Variants in SEMA3A observed in about 807,000 individuals in gnomAD.
SEMA3A encodes the protein semaphorin-3A.
A neutral mutation model predicts 97.9 loss-of-function variants in SEMA3A; 29 were observed. The ratio of observed to expected loss-of-function variants is 0.30; its 90% confidence interval spans 0.22 to 0.40. The LOEUF (loss-of-function observed/expected upper bound fraction) is 0.40, where lower values mean the gene tolerates loss of function less well. Ranked by LOEUF, SEMA3A falls within the 10% of genes least tolerant of loss-of-function variation. The pLI, the probability that SEMA3A is intolerant of heterozygous loss-of-function variation, is 1.00. For synonymous variants in SEMA3A, 321 were observed against 323.7 expected, an observed-to-expected ratio of 0.99 and a Z score of 0.09; for missense variants, 763 against 951.3, an observed-to-expected ratio of 0.80 and a Z score of 2.60.
intron 1 of SEMA3A, among the ~76,000 whole-genome samples, chr7:84,446,292 C>G (rs960081979): frequency 6.6e-6 from 1 of 152,136 alleles, no homozygotes; most frequent in Non-Finnish European, 1.5e-5. Flanking sequence ...ACAAATCTTT[C>G]TCAAATTTTC....
intron 14 of SEMA3A, among the ~76,000 whole-genome samples, 183 bp from the exon 15 acceptor site, chr7:83,977,379 A>T (rs1456318739): frequency 6.6e-6 from 1 of 152,108 alleles, no homozygotes; most frequent in Non-Finnish European, 1.5e-5. Context: ...TATACCTGTA[A>T]GAGCAGTCTC....
intron 3 of SEMA3A, among the ~76,000 whole-genome samples, chr7:84,126,530 C>T (rs1490724183): frequency 1.3e-5 from 2 of 152,136 alleles, no homozygotes; most frequent in East Asian, 1.9e-4. Context: ...CATACTTACA[C>T]TGTTGATGAG....
In SEMA3A at chr7:84,426,830, A is replaced by G. The variant is rs1584317218; in HGVS notation, c.-245-54930T>C. Among the ~76,000 whole-genome samples, 6 of 152,278 alleles carry G rather than the reference A, an allele frequency of 3.9e-5. 1 individual carries two copies. Among genetic ancestry groups the G allele is most frequent in the Admixed American group, 3.9e-4 (6 of 15,270 alleles). Reference sequence around the variant, plus strand: ...TTCTATGTTTCATAATCAGACTTATAAATTTTTTCTTAATCTCCTTTGGAA... The same window carrying G: ...TTCTATGTTTCATAATCAGACTTATGAATTTTTTCTTAATCTCCTTTGGAA... On this transcript the variant is annotated intron_variant, in intron 1 of 3. Transcript: ENST00000424555.
intron 5 of SEMA3A, among the ~76,000 whole-genome samples, chr7:84,055,002 C>A (rs1049847735): frequency 6.6e-5 from 10 of 152,264 alleles, no homozygotes; most frequent in African/African-American, 2.4e-4. Flanking sequence ...GGGTGCCTCC[C>A]AGTTAGGCTG....
intron 16 of SEMA3A, 127 bp downstream of exon 16, chr7:83,963,078 G>A (rs1788536187): frequency 3.1e-6 from 3 of 961,660 alleles, no homozygotes; most frequent in African/African-American, 3.2e-5. Flanking sequence ...CAATGAATGA[G>A]CGATTGATTG....
chr7:84,038,013 C>T (rs142230880), intron 6 of SEMA3A, among the ~76,000 whole-genome samples: 20 of 151,892 alleles, frequency 1.3e-4, no homozygotes, highest in African/African-American at 4.8e-4. Context: ...GACCCTTTAC[C>T]TGAATAACAT....
chr7:84,196,419 T>A (rs920300764), upstream of SEMA3A, among the ~76,000 whole-genome samples: 13 of 151,916 alleles, frequency 8.6e-5, no homozygotes, highest in African/African-American at 3.1e-4. Context: ...GTGGCTTGTG[T>A]GAATGTAGGT....
intron 2 of SEMA3A, among the ~76,000 whole-genome samples, chr7:84,358,395 T>C (rs1802626167): frequency 6.6e-6 from 1 of 152,226 alleles, no homozygotes; most frequent in South Asian, 2.1e-4. Context: ...AAATAGGGAA[T>C]CCTTTCTCCA....
intron 2 of SEMA3A, among the ~76,000 whole-genome samples, chr7:84,337,463 T>C (rs923652474): frequency 6.6e-6 from 1 of 152,136 alleles, no homozygotes; most frequent in African/African-American, 2.4e-5. Context: ...TCTTCCAGTG[T>C]GCTATTTGGC....
At chr7:84,233,075 T>G (rs1207850185) in intron 3 of SEMA3A, among the ~76,000 whole-genome samples, 1 of 152,026 alleles carries the variant, frequency 6.6e-6, no homozygotes, top group Non-Finnish European at 1.5e-5. Flanking sequence ...GTATTTCAAC[T>G]ATTTGTAGAC....
intron 1 of SEMA3A, among the ~76,000 whole-genome samples, chr7:84,174,418 C>A (rs552504948): frequency 6.6e-5 from 10 of 152,278 alleles, no homozygotes; most frequent in African/African-American, 2.4e-4. Flanking sequence ...GAAGCATAGA[C>A]GTTTTTCCTT....
rs772964353 is a variant in SEMA3A at position 84,445,355 on chromosome 7, G to A, written c.-246+47105C>T. 8.1e-4 allele frequency among the ~76,000 whole-genome samples: 122 copies of A among 151,444 alleles called. 11 individuals carry two copies. Among genetic ancestry groups the A allele is most frequent in the Non-Finnish European group, 1.6e-4 (11 of 67,822 alleles). ...AAAATACAACAAAAATTAGCTGGGC[G>A]TGGTGGTGTGCACCTGTAGTCCCAG... On this transcript the variant is annotated intron_variant, in intron 1 of 3. Transcript: ENST00000424555.
chr7:84,305,625 G>A (rs1011825426), intron 3 of SEMA3A, among the ~76,000 whole-genome samples: 2 of 151,892 alleles, frequency 1.3e-5, no homozygotes, highest in Admixed American at 6.6e-5. Context: ...AAAGACAATG[G>A]TGGCAATGAC....
chr7:84,338,233 T>C (rs1252278223), intron 2 of SEMA3A, among the ~76,000 whole-genome samples: 5 of 151,826 alleles, frequency 3.3e-5, no homozygotes, highest in East Asian at 1.9e-4. Flanking sequence ...TCAGTACATA[T>C]GAAATGAATA....
At chr7:84,058,694 T>C (rs1270831653) in intron 5 of SEMA3A, among the ~76,000 whole-genome samples, 1 of 152,196 alleles carries the variant, frequency 6.6e-6, no homozygotes, top group Non-Finnish European at 1.5e-5. Flanking sequence ...CTAAATTATT[T>C]TACCATATTG....
intron 1 of SEMA3A, among the ~76,000 whole-genome samples, chr7:84,145,601 A>C (rs2116091935): frequency 6.6e-6 from 1 of 152,320 alleles, no homozygotes. Flanking sequence ...GCTATCAAAT[A>C]ACAATTAAAT....
intron 1 of SEMA3A, among the ~76,000 whole-genome samples, chr7:84,466,745 G>C (rs1806009756): frequency 6.6e-6 from 1 of 152,190 alleles, no homozygotes; most frequent in South Asian, 2.1e-4. Flanking sequence ...GAAGAAGCTA[G>C]AAGTCGGTTG....
intron 4 of SEMA3A, among the ~76,000 whole-genome samples, chr7:84,100,667 C>A (rs766897494): frequency 6.6e-6 from 1 of 152,032 alleles, no homozygotes; most frequent in Non-Finnish European, 1.5e-5. Flanking sequence ...ATATTCCTTA[C>A]AATCAATATT....
intron 6 of SEMA3A, among the ~76,000 whole-genome samples, chr7:84,016,746 A>G (rs1791121824): frequency 6.6e-6 from 1 of 152,174 alleles, no homozygotes; most frequent in Admixed American, 6.5e-5. Flanking sequence ...CAAATATTTT[A>G]AGCCTAAGAC....
Sources: allele counts gnomAD v4.1 joint callset (sites outside exome capture counted in the v4.1 genomes callset), GRCh38; gene constraint gnomAD v4.1.1; transcripts MANE v1.5; gene names NCBI Gene and HGNC (gene_info 2026-07-23, HGNC 2026-07-21).